Variants in FABP6 observed in about 807,000 individuals in gnomAD.
FABP6 encodes fatty acid binding protein 6.
Under a neutral mutation model 14.9 loss-of-function variants are expected in FABP6, and 13 were observed. The observed-to-expected ratio is 0.87, with a 90% CI of 0.57 to 1.39. The LOEUF is 1.39. FABP6 is among the 40% of genes most tolerant of loss of function. The pLI is 0.00. For missense variants in FABP6, 161 were observed against 167.2 expected (o/e 0.96, Z 0.20); for synonymous variants, 75 against 63.6 (o/e 1.18, Z -0.85).
Position 160,188,797 on chromosome 5 carries a change from C to T in FABP6, c.-59+1343C>T, listed in dbSNP as rs575566615. ...CTGGACTCATTTCTGCAAGGCCCCT[C>T]CCGGTTGGAGCGGTTCCCTGCAATT... On this transcript the variant is annotated intron_variant, in intron 1 of 6. Coordinates refer to the FABP6 transcript ENST00000393980. 4.7e-4 allele frequency among the ~76,000 whole-genome samples: 71 copies of T among 152,282 alleles called. 2 individuals carry two copies. The South Asian group carries it at 0.014, about 30-fold the overall frequency.
intron 1 of FABP6, among the ~76,000 whole-genome samples, chr5:160,195,429 A>G (rs1212257180): frequency 1.3e-5 from 2 of 151,850 alleles, no homozygotes; most frequent in Admixed American, 1.3e-4. Context: ...TCAGGGCTCT[A>G]CTGCCAAGCC....
chr5:160,219,594 A>G (rs943557339), intron 3 of FABP6, among the ~76,000 whole-genome samples: 13 of 152,118 alleles, frequency 8.5e-5, no homozygotes, highest in Non-Finnish European at 1.6e-4. Flanking sequence ...AGCATGGCTG[A>G]GTCAGTCAGC....
upstream of FABP6, among the ~76,000 whole-genome samples, chr5:160,226,345 G>A (rs950930163): frequency 9.9e-5 from 15 of 151,562 alleles, no homozygotes; most frequent in South Asian, 4.2e-4. Flanking sequence ...GGCAGATCAC[G>A]AGGTCAGGAG....
Position 160,234,864 on chromosome 5 carries a change from C to T in FABP6, c.288C>T (p.Pro96=), listed in dbSNP as rs1387942934. Residue 96 remains proline, a synonymous_variant, in exon 3 of 4, where the codon CCC becomes CCT. Coordinates refer to ENST00000402432, the MANE Select transcript of FABP6 (RefSeq NM_001445.3). ...GCGGGAAGCTGGTGGTGAATTTCCC[C>T]AACTATCACCAGACCTCAGAGATCG... ...MEGGKLVVNF[P]NYHQTSEIVG... The T allele has an allele frequency of 6.2e-7, 1 of 1,611,106 alleles. No homozygotes were observed. Among genetic ancestry groups the T allele is most frequent in the Non-Finnish European group, 8.5e-7 (1 of 1,178,458 alleles).
In FABP6 at chr5:160,234,925, AT is replaced by A. The variant is rs750254506; in HGVS notation, c.333+18del. On this transcript the variant is annotated intron_variant, in intron 3 of 3. Transcript: ENST00000402432. ...GCTGGTGGAGGTGAGTGTCATGCTG[AT>A]TCCTGGGATGATTATTGGATATTTG... The A allele has an allele frequency of 6.2e-7, 1 of 1,603,504 alleles. No homozygotes were observed. Among genetic ancestry groups the A allele is most frequent in the South Asian group, 1.1e-5 (1 of 90,102 alleles).
chr5:160,223,610 A>G (rs375780340), intron 3 of FABP6, among the ~76,000 whole-genome samples: 26 of 150,894 alleles, frequency 1.7e-4, no homozygotes, highest in African/African-American at 5.3e-4. Flanking sequence ...TTTTATAGAG[A>G]TGATTTTTTG....
intron 3 of FABP6, among the ~76,000 whole-genome samples, chr5:160,219,027 A>G (rs1760077332): frequency 6.6e-6 from 1 of 152,188 alleles, no homozygotes; most frequent in African/African-American, 2.4e-5. Context: ...AAGTATCATC[A>G]TGGGAAAATA....
chr5:160,206,909 C>T (rs576455820), intron 2 of FABP6, among the ~76,000 whole-genome samples: 1 of 152,294 alleles, frequency 6.6e-6, no homozygotes, highest in African/African-American at 2.4e-5. Flanking sequence ...GTGTTTCCAC[C>T]TTCAAAGGCG....
At chr5:160,218,487 GTC>G (rs1199506015) in intron 3 of FABP6, among the ~76,000 whole-genome samples, 1 of 109,978 alleles carries the variant, frequency 9.1e-6, no homozygotes, top group African/African-American at 3.5e-5. Context: ...TTGAGATGGA[GTC>G]TCACTCTGTC....
At chr5:160,199,601 G>T (rs1031093817) in intron 2 of FABP6, among the ~76,000 whole-genome samples, 8 of 152,124 alleles carry the variant, frequency 5.3e-5, no homozygotes, top group Non-Finnish European at 8.8e-5. Context: ...CTGAGGCCTC[G>T]CACTTCCTCT....
chr5:160,215,170 G>A (rs1206778792), intron 3 of FABP6, among the ~76,000 whole-genome samples: 1 of 152,188 alleles, frequency 6.6e-6, no homozygotes, highest in Non-Finnish European at 1.5e-5. Flanking sequence ...AAGGAGAATG[G>A]CTGAGTAAGT....
At chr5:160,226,288 C>T (rs937851654), upstream of FABP6, among the ~76,000 whole-genome samples, 3 of 151,828 alleles carry the variant, frequency 2.0e-5, no homozygotes, top group South Asian at 2.1e-4. Flanking sequence ...ATAGGCCGAG[C>T]GCGGTGGCTC....
chr5:160,190,076 TCTCTGAACAAACTTGC>T (rs1437596472), intron 1 of FABP6, among the ~76,000 whole-genome samples: 2 of 152,204 alleles, frequency 1.3e-5, no homozygotes, highest in African/African-American at 2.4e-5. Flanking sequence ...TCCTCCTTTC[TCTCTGAACAAACTTGC>T]CTCTGAACAA....
chr5:160,192,847 C>T (rs1210349121), intron 1 of FABP6, among the ~76,000 whole-genome samples: 2 of 152,258 alleles, frequency 1.3e-5, no homozygotes, highest in Admixed American at 6.5e-5. Flanking sequence ...GTTGATGGCT[C>T]ATGCCTGTAA....
At chr5:160,234,470 AG>A (rs1215880099) in intron 2 of FABP6, among the ~76,000 whole-genome samples, 1 of 126,478 alleles carries the variant, frequency 7.9e-6, no homozygotes, top group African/African-American at 3.1e-5. Flanking sequence ...TCTGTTGCCC[AG>A]GCTGGAGCGC....
chr5:160,234,341 C>T lies in FABP6; in HGVS notation c.244-479C>T, dbSNP rs75367754. ...TCTCTTGCTGTCCTGCCCAGTGCAC[C>T]CTTGCAACATATTTTCATACTTTCT... On this transcript the variant is annotated intron_variant, in intron 2 of 3. Coordinates refer to ENST00000402432, the MANE Select transcript of FABP6 (RefSeq NM_001445.3). 1.5e-3 allele frequency among the ~76,000 whole-genome samples: 235 copies of T among 151,858 alleles called. 4 individuals carry two copies. Among genetic ancestry groups the T allele is most frequent in the East Asian group, 0.011 (57 of 5,180 alleles).
chr5:160,199,509 G>A (rs4388245), intron 2 of FABP6, among the ~76,000 whole-genome samples: 35,345 of 151,944 alleles, frequency 0.23, 4,255 homozygotes, highest in African/African-American at 0.28. Flanking sequence ...GTGCCAAGCC[G>A]GCCACCAGAG....
In FABP6 at chr5:160,234,034, T is replaced by G. The variant is rs866049655; in HGVS notation, c.244-786T>G. Among the ~76,000 whole-genome samples the G allele has an allele frequency of 3.9e-5, 6 of 151,994 alleles. No individual in the cohort carries two copies. The South Asian group carries it at 1.2e-3, about 31-fold the overall frequency. ...GGTGACCCATGTGGAGTTCTAATAA[T>G]AGAAAAGGAGTCAGGTTGGCGGCAG... is the stretch of plus-strand genomic sequence containing the variant. On this transcript the variant is annotated intron_variant, in intron 2 of 3. Coordinates refer to ENST00000402432, the MANE Select transcript of FABP6 (RefSeq NM_001445.3).
In FABP6 at chr5:160,238,665, C is replaced by G; in HGVS notation, c.*6C>G. On this transcript the variant is annotated 3_prime_UTR_variant, in exon 4 of 4. Transcript: ENST00000402432. ...TGAGCAAGAGACTGGCCTAAGCAGC[C>G]AGGCCCGGCCCAGGGAGCTACAAAC... The G allele has an allele frequency of 1.2e-6, 2 of 1,613,750 alleles. No individual in the cohort carries two copies. The highest frequency in any genetic ancestry group is 1.7e-6 in the Non-Finnish European group (2 of 1,179,730).
Sources: allele counts gnomAD v4.1 joint callset (sites outside exome capture counted in the v4.1 genomes callset), GRCh38; gene constraint gnomAD v4.1.1; transcripts MANE v1.5; gene names NCBI Gene and HGNC (gene_info 2026-07-23, HGNC 2026-07-21).